Variants in CYP2A7 observed in about 807,000 individuals in gnomAD.
CYP2A7 encodes cytochrome P450 2A7.
A neutral mutation model predicts 42.0 loss-of-function variants in CYP2A7; 36 were observed. That is an observed-to-expected ratio of 0.86 (90% CI 0.66 to 1.13). The LOEUF (loss-of-function observed/expected upper bound fraction) is 1.13, where lower values mean the gene tolerates loss of function less well. Among genes scored for constraint, CYP2A7 ranks in the 50% most tolerant of loss-of-function variants. CYP2A7 has a pLI of 0.00. For missense variants in CYP2A7, 661 were observed against 634.1 expected, an observed-to-expected ratio of 1.04 and a Z score of -0.46; for synonymous variants, 260 against 249.5, an observed-to-expected ratio of 1.04 and a Z score of -0.40.
intron 2 of CYP2A7, among the ~76,000 whole-genome samples, chr19:40,880,930 G>C (rs911565217): frequency 1.3e-5 from 2 of 150,868 alleles, no homozygotes; most frequent in East Asian, 1.9e-4. Context: ...CAGAGAAACA[G>C]AGGGATAAGG....
intron 7 of CYP2A7, 164 bp from the exon 8 acceptor site, chr19:40,876,832 A>T: frequency 1.0e-6 from 1 of 995,060 alleles, no homozygotes; most frequent in Non-Finnish European, 1.5e-6. Context: ...GAAGGTTCAC[A>T]TCTCTGAAAC....
rs1423702146 is a variant in CYP2A7 at position 40,878,676 on chromosome 19, T to C, written c.831+84A>G. On this transcript the variant is annotated intron_variant, in intron 5 of 8. Transcript: ENST00000301146. Reference sequence around the variant, plus strand: ...TATGATGAGGGCTAATTTGAACGGGTCTGTGTCGTCTGCCCGCCCCACTCC... The same window carrying C: ...TATGATGAGGGCTAATTTGAACGGGCCTGTGTCGTCTGCCCGCCCCACTCC... 9.6e-6 allele frequency: 15 copies of C among 1,558,358 alleles called. 2 individuals are homozygous for C. The highest frequency in any genetic ancestry group is 1.3e-5 in the Non-Finnish European group (15 of 1,143,940).
intron 2 of CYP2A7, among the ~76,000 whole-genome samples, 165 bp from the exon 3 acceptor site, chr19:40,880,793 A>AGGG (rs1967651204): frequency 3.9e-5 from 1 of 25,366 alleles, no homozygotes; most frequent in African/African-American, 1.6e-4. Context: ...TCAGAGAAAC[A>AGGG]CGAGGGAGAG....
chr19:40,879,844 G>C (rs1448351449), intron 4 of CYP2A7, among the ~76,000 whole-genome samples: 3 of 150,460 alleles, frequency 2.0e-5, no homozygotes, highest in Non-Finnish European at 4.5e-5. Context: ...CCAGGTGAGA[G>C]AGCTGAGCTG....
At position 40,881,569 on chromosome 19, in the gene CYP2A7, C is replaced by T. The variant is rs759355788; in HGVS notation, c.343+20G>A. 4.3e-5 allele frequency: 69 copies of T among 1,611,028 alleles called. No homozygotes were observed. Among genetic ancestry groups the T allele is most frequent in the Non-Finnish European group, 5.7e-5 (67 of 1,179,124 alleles). ...ATCGTGTCCGCCTGGCCACCTTCCC[C>T]ATCTTGGGCACCCCCTCACCATAGC... On this transcript the variant is annotated intron_variant, in intron 2 of 8. Transcript: ENST00000301146.
chr19:40,876,647 G>A lies in CYP2A7; in HGVS notation c.1183C>T (p.Leu395=). The change falls in exon 8 of 9, where the codon CTG becomes TTG. Residue 395 remains leucine, a synonymous_variant. Coordinates refer to ENST00000301146, the MANE Select transcript of CYP2A7 (RefSeq NM_000764.3). ...LPKGTEVFPM[L]GSVLRDPSFF... ...CTGGGGTCTCTCAGCACGGAGCCCA[G>A]CATAGGGAACACTTCGGTGCCCTGG... 5 of 1,612,828 alleles carry A rather than the reference G, an allele frequency of 3.1e-6. No individual in the cohort carries two copies. Among genetic ancestry groups the A allele is most frequent in the African/African-American group, 1.3e-5 (1 of 75,004 alleles).
At chr19:40,878,263 G>A (rs1403945985) in intron 5 of CYP2A7, among the ~76,000 whole-genome samples, 2 of 151,450 alleles carry the variant, frequency 1.3e-5, no homozygotes, top group African/African-American at 2.4e-5. Flanking sequence ...CACTGACTTG[G>A]TCTTGCTAAG....
rs745446161 is a variant in CYP2A7, at chr19:40,877,171, G to T, written c.1161+19C>A. The T allele has an allele frequency of 6.2e-7, 1 of 1,611,388 alleles. No homozygotes were observed. Among genetic ancestry groups the T allele is most frequent in the South Asian group, 1.1e-5 (1 of 90,974 alleles). ...AGGGCTGGAAGTCCCCGTAGTCTAGGGGGTGGGGAGGATAGCACCTTAGGG... is the reference window on the plus strand; with the variant it reads ...AGGGCTGGAAGTCCCCGTAGTCTAGTGGGTGGGGAGGATAGCACCTTAGGG... On this transcript the variant is annotated intron_variant, in intron 7 of 8. Coordinates refer to ENST00000301146, the MANE Select transcript of CYP2A7 (RefSeq NM_000764.3).
chr19:40,880,402 G>C lies in CYP2A7; in HGVS notation c.493+77C>G, dbSNP rs113666304. ...GCCTTTCCCCACCTAGTCCCCATCC[G>C]CAGGCAGAACGCGCGCGGGTTCCTC... is the stretch of plus-strand genomic sequence containing the variant. On this transcript the variant is annotated intron_variant, in intron 3 of 8. Coordinates refer to ENST00000301146, the MANE Select transcript of CYP2A7 (RefSeq NM_000764.3). 712 of 1,570,428 alleles carry C rather than the reference G, an allele frequency of 4.5e-4. 14 individuals carry two copies. Among genetic ancestry groups the C allele is most frequent in the African/African-American group, 2.7e-3 (199 of 74,124 alleles).
At chr19:40,876,228 C>G in intron 8 of CYP2A7, 2 of 601,168 alleles carry the variant, frequency 3.3e-6, no homozygotes, top group Non-Finnish European at 5.7e-6. Flanking sequence ...GTCCTTCTTG[C>G]CAGATACACT....
intron 5 of CYP2A7, among the ~76,000 whole-genome samples, chr19:40,878,322 T>C (rs1259494815): frequency 3.3e-5 from 5 of 151,772 alleles, no homozygotes; most frequent in Non-Finnish European, 7.4e-5. Context: ...CCTCCACCCT[T>C]AGCCTCCTGA....
chr19:40,881,386 G>T (rs996808169), intron 2 of CYP2A7, among the ~76,000 whole-genome samples: 1 of 151,582 alleles, frequency 6.6e-6, no homozygotes, highest in African/African-American at 2.4e-5. Context: ...GGCAGAGAGA[G>T]GCAGGGAGGA....
intron 6 of CYP2A7, 107 bp from the exon 7 acceptor site, chr19:40,877,484 G>T: frequency 1.3e-6 from 2 of 1,484,824 alleles, no homozygotes; most frequent in Middle Eastern, 1.8e-4. Flanking sequence ...CCTATGAGAC[G>T]GAGGTAGAGC....
rs1568524075 is a variant in CYP2A7 at position 40,875,648 on chromosome 19, T to G, written c.*45A>C. On this transcript the variant is annotated 3_prime_UTR_variant, in exon 9 of 9. Coordinates refer to ENST00000301146, the MANE Select transcript of CYP2A7 (RefSeq NM_000764.3). ...CCGCGAACCCCGCCCTGACCCCGCCTTTCCCTGGCCCCGCCCACCAGACCT... is the reference window on the plus strand; with the variant it reads ...CCGCGAACCCCGCCCTGACCCCGCCGTTCCCTGGCCCCGCCCACCAGACCT... 6.2e-7 allele frequency: 1 copy of G among 1,610,106 alleles called. No individual in the cohort carries two copies.
chr19:40,878,014 A>G (rs1404587515), intron 5 of CYP2A7, 21 bp from the exon 6 acceptor site: 1 of 1,605,088 alleles, frequency 6.2e-7, no homozygotes, highest in Non-Finnish European at 8.5e-7. Flanking sequence ...AGGGGGCTTT[A>G]GGCCAACCTC....
In CYP2A7 at chr19:40,881,762, C is replaced by G. The variant is rs764621516; in HGVS notation, c.181-11G>C. On this transcript the variant is annotated splice_polypyrimidine_tract_variant and intron_variant, in intron 1 of 8. Transcript: ENST00000301146. The stretch of plus-strand genomic sequence containing the variant: ...ATAGCACTCACTGAACTGATGGAGG[C>G]GAGTGGGAGTGGTTAGAGGGAGCAG... 2 of 1,593,858 alleles carry G rather than the reference C, an allele frequency of 1.3e-6. No individual in the cohort carries two copies. Among genetic ancestry groups the G allele is most frequent in the South Asian group, 1.1e-5 (1 of 87,606 alleles).
chr19:40,877,351 C>G lies in CYP2A7; in HGVS notation c.1000G>C (p.Val334Leu), dbSNP rs780915561. Residue 334 changes from valine to leucine, a missense_variant, in exon 7 of 9, where the codon GTG becomes CTG. By Grantham distance (32) the Val-to-Leu change is conservative. This residue lies in a region of CYP2A7 where 614 missense variants were observed against 552.4 expected (regional missense o/e 1.11). Coordinates refer to ENST00000301146, the MANE Select transcript of CYP2A7 (RefSeq NM_000764.3). ...EAKVHEEIDR[V>L]IGKNRQPKFE... is the part of the protein sequence containing the mutation. ...TTGGGCTGCCGGTTCTTGCCGATCA[C>G]TCTGTCAATCTCCTCATGGACCTTG... 41 of 1,612,502 alleles carry G rather than the reference C, an allele frequency of 2.5e-5. 1 individual carries two copies. Among genetic ancestry groups the G allele is most frequent in the Non-Finnish European group, 3.4e-5 (40 of 1,179,028 alleles).
At chr19:40,877,041 G>C in intron 7 of CYP2A7, 149 bp downstream of exon 7, 1 of 857,132 alleles carries the variant, frequency 1.2e-6, no homozygotes, top group South Asian at 1.7e-5. Flanking sequence ...TAAGTGGAAA[G>C]GTGGAATGGA....
rs537620574 is a variant in CYP2A7 at position 40,881,686 on chromosome 19, A to G, written c.246T>C (p.Cys82=). 46 of 1,613,126 alleles carry G rather than the reference A, an allele frequency of 2.9e-5. No homozygotes were observed. The highest frequency in any genetic ancestry group is 2.2e-4 in the Admixed American group (13 of 59,964). Residue 82 remains cysteine, a synonymous_variant, in exon 2 of 9, where the codon TGT becomes TGC. Coordinates refer to ENST00000301146, the MANE Select transcript of CYP2A7 (RefSeq NM_000764.3). ...HLGPRRVVVL[C]GHDAVREALV... ...GAGCCTCCCTGACGGCATCATGTCC[A>G]CACAGCACCACGACCCGCCGGGGCC...
Sources: allele counts gnomAD v4.1 joint callset (sites outside exome capture counted in the v4.1 genomes callset), GRCh38; gene constraint gnomAD v4.1.1; regional missense constraint gnomAD v4.1.1; transcripts MANE v1.5; gene names NCBI Gene and HGNC (gene_info 2026-07-23, HGNC 2026-07-21).